ZNF527: variants seen among roughly 807,000 people sequenced by gnomAD.
ZNF527 encodes zinc finger protein 527.
In ZNF527, 5 loss-of-function variants were observed where a neutral mutation model predicts 13.5. The observed-to-expected ratio is 0.37, with a 90% confidence interval of 0.19 to 0.78. The LOEUF (loss-of-function observed/expected upper bound fraction) is 0.78. Among genes scored for constraint, ZNF527 ranks in the 30% least tolerant of loss-of-function variants. ZNF527 has a pLI of 0.48. For missense variants in ZNF527, 628 were observed against 726.4 expected, an observed-to-expected ratio of 0.86 and a Z score of 1.56; for synonymous variants, 209 against 243.1, an observed-to-expected ratio of 0.86 and a Z score of 1.30.
chr19:37,376,549 C>G (rs1434276894), intron 2 of ZNF527, among the ~76,000 whole-genome samples: 1 of 151,804 alleles, frequency 6.6e-6, no homozygotes, highest in African/African-American at 2.4e-5. Flanking sequence ...TAGCGCATGC[C>G]TGTAATCCCA....
chr19:37,390,059 C>T lies in ZNF527; in HGVS notation c.*180C>T, dbSNP rs1460136755. The T allele has an allele frequency of 1.3e-5, 9 of 693,208 alleles. No individual in the cohort carries two copies. Among genetic ancestry groups the T allele is most frequent in the Admixed American group, 1.1e-4 (3 of 28,190 alleles). 42.9% of individuals were successfully genotyped at this position (693,208 alleles called of 1,614,324 possible). A position where few individuals can be genotyped will look rare whatever the true frequency, so the allele number is the denominator to read the frequency against. ...CTTTTTTTTTTTTCAGACAGAGTCT[C>T]GCTCTGTTGCCCAGGCTGGAGTGCA... On this transcript the variant is annotated 3_prime_UTR_variant, in exon 5 of 5. Transcript: ENST00000436120.
At position 37,389,239 on chromosome 19, in the gene ZNF527, A is replaced by G; in HGVS notation, c.1190A>G (p.Gln397Arg). 6.2e-7 allele frequency: 1 copy of G among 1,614,214 alleles called. No individual in the cohort carries two copies. Among genetic ancestry groups the G allele is most frequent in the Non-Finnish European group, 8.5e-7 (1 of 1,180,044 alleles). ...ECKECNKAFR[Q>R]SAHLNQHQRI... Reference sequence around the variant, plus strand: ...AAAGAATGTAATAAAGCCTTCAGACAGAGTGCTCACCTTAATCAACATCAG... The same window carrying G: ...AAAGAATGTAATAAAGCCTTCAGACGGAGTGCTCACCTTAATCAACATCAG... Residue 397 changes from glutamine (Q) to arginine (R), a missense_variant, in exon 5 of 5, where the codon CAG (glutamine) becomes CGG (arginine). Physicochemically the swap from Gln to Arg is conservative, Grantham distance 43 (BLOSUM62 1). Transcript: ENST00000436120.
At chr19:37,383,476 T>G (rs2040671594) in intron 4 of ZNF527, among the ~76,000 whole-genome samples, 1 of 151,934 alleles carries the variant, frequency 6.6e-6, no homozygotes. Flanking sequence ...CCTCAGGTGA[T>G]CCACCCTTCT....
Position 37,389,225 on chromosome 19 carries a change from TA to T in ZNF527, c.1179del (p.Ala394ProfsTer34). The T allele has an allele frequency of 6.2e-7, 1 of 1,613,008 alleles. No individual in the cohort carries two copies. The highest frequency in any genetic ancestry group is 8.5e-7 in the Non-Finnish European group (1 of 1,179,748). ...AACCATATGAATGTAAAGAATGTAA[TA>T]AAGCCTTCAGACAGAGTGCTCACCT... ...EKPYECKECN[K>X]AFRQSAHLNQ... is the part of the protein sequence containing the mutation. On this transcript the variant is annotated frameshift_variant, in exon 5 of 5. Coordinates refer to ENST00000436120, the MANE Select transcript of ZNF527 (RefSeq NM_032453.2). LOFTEE classifies it low-confidence loss of function (END_TRUNC).
In ZNF527 at chr19:37,389,953, T is replaced by C; in HGVS notation, c.*74T>C. The C allele has an allele frequency of 2.7e-6, 4 of 1,486,828 alleles. No homozygotes were observed. The highest frequency in any genetic ancestry group is 2.7e-6 in the Non-Finnish European group (3 of 1,122,460). The allele number at this position is 1,486,828 out of a possible 1,614,324, so 92.1% of individuals were successfully genotyped here. ...TTAAATATTAGTGAGTTCTTTTTGG[T>C]TAGTAATTCTTTGAATGTAGTTCAT... On this transcript the variant is annotated 3_prime_UTR_variant, in exon 5 of 5. Transcript: ENST00000436120.
At chr19:37,378,657 A>T (rs2146810035) in intron 2 of ZNF527, among the ~76,000 whole-genome samples, 1 of 152,264 alleles carries the variant, frequency 6.6e-6, no homozygotes, top group African/African-American at 2.4e-5. Context: ...AAGTTGCTTC[A>T]CATATACCTC....
At chr19:37,382,176 T>C (rs1000816915) in intron 4 of ZNF527, among the ~76,000 whole-genome samples, 6 of 152,116 alleles carry the variant, frequency 3.9e-5, no homozygotes, top group African/African-American at 1.4e-4. Context: ...CTCATTGCTT[T>C]ATTGGGAAAT....
intron 2 of ZNF527, among the ~76,000 whole-genome samples, chr19:37,377,665 C>T (rs1188751339): frequency 6.6e-6 from 1 of 152,170 alleles, no homozygotes; most frequent in Non-Finnish European, 1.5e-5. Context: ...GCATAGCTCT[C>T]TTACTAACCC....
chr19:37,376,049 C>T (rs180935489), intron 2 of ZNF527, among the ~76,000 whole-genome samples: 224 of 152,172 alleles, frequency 1.5e-3, no homozygotes, highest in Admixed American at 5.2e-3. Context: ...GAATGGAGGC[C>T]GGGTGCGGTG....
At chr19:37,375,594 C>T (rs563991961) in intron 2 of ZNF527, among the ~76,000 whole-genome samples, 11 of 151,888 alleles carry the variant, frequency 7.2e-5, no homozygotes, top group African/African-American at 2.7e-4. Flanking sequence ...CTCCTGACCT[C>T]GTGATCTGCC....
At position 37,379,161 on chromosome 19, in the gene ZNF527, A is replaced by T. The variant is rs745949243; in HGVS notation, c.75A>T (p.Gln25His). Reference sequence around the variant, plus strand: ...GAGATGTGGCGCTAGACTTTTCCCAAGAAGAGTGGGAATGGCTGAAGCCAT... The same window carrying T: ...GAGATGTGGCGCTAGACTTTTCCCATGAAGAGTGGGAATGGCTGAAGCCAT... Reference protein sequence around the residue: ...TFRDVALDFSQEEWEWLKPSQ... With the variant: ...TFRDVALDFSHEEWEWLKPSQ... The change falls in exon 3 of 5, where the codon CAA (glutamine) becomes CAT (histidine). Residue 25 changes from glutamine to histidine, a missense_variant. By Grantham distance (24) the Gln-to-His change is conservative. Coordinates refer to ENST00000436120, the MANE Select transcript of ZNF527 (RefSeq NM_032453.2). 1 of 1,613,988 alleles carries T rather than the reference A, an allele frequency of 6.2e-7. No individual in the cohort carries two copies. The highest frequency in any genetic ancestry group is 1.3e-5 in the African/African-American group (1 of 75,010).
intron 2 of ZNF527, among the ~76,000 whole-genome samples, chr19:37,376,682 CAAA>C (rs35179002): frequency 2.1e-5 from 1 of 48,536 alleles, no homozygotes; most frequent in Non-Finnish European, 3.9e-5. Flanking sequence ...ACTCCATCTC[CAAA>C]AAAAAAAAAA....
intron 1 of ZNF527, among the ~76,000 whole-genome samples, chr19:37,371,736 TTGTG>T (rs2040558530): frequency 6.6e-6 from 1 of 152,136 alleles, no homozygotes; most frequent in Non-Finnish European, 1.5e-5. Context: ...TTGTGTGTGA[TTGTG>T]TGTGATTGTT....
chr19:37,384,915 T>C, intron 4 of ZNF527: 1 of 702,168 alleles, frequency 1.4e-6, no homozygotes, highest in South Asian at 1.5e-5. Context: ...TGATCTTGGC[T>C]CACTGCAGCC....
rs745393578 is a variant in ZNF527, at chr19:37,389,492, T to C, written c.1443T>C (p.Thr481=). The C allele has an allele frequency of 2.5e-6, 4 of 1,614,048 alleles. No homozygotes were observed. The highest frequency in any genetic ancestry group is 1.6e-4 in the Middle Eastern group (1 of 6,062). ...ECIKCGKFFR[T]DSQLNRHHRI... ...TCAAATGTGGGAAGTTTTTTAGGAC[T>C]GACTCACAACTTAATCGACATCATA... is the stretch of plus-strand genomic sequence containing the variant. The change falls in exon 5 of 5, where the codon ACT becomes ACC. Residue 481 remains threonine, a synonymous_variant. Transcript: ENST00000436120.
intron 4 of ZNF527, chr19:37,385,341 C>T (rs2040689470): frequency 2.5e-6 from 1 of 402,928 alleles, no homozygotes; most frequent in Non-Finnish European, 4.4e-6. Context: ...TCATGCTCCC[C>T]TTCACTGTGT....
At chr19:37,374,059 A>T (rs978644130) in intron 1 of ZNF527, 99 bp from the exon 2 acceptor site, 1 of 776,898 alleles carries the variant, frequency 1.3e-6, no homozygotes, top group African/African-American at 1.7e-5. Flanking sequence ...AGGCTGGCCC[A>T]TGTAGGGAGA....
At chr19:37,386,140 C>CATTTTTTTTT (rs2040696803) in intron 4 of ZNF527, among the ~76,000 whole-genome samples, 1 of 72,456 alleles carries the variant, frequency 1.4e-5, no homozygotes, top group Admixed American at 2.1e-4. Context: ...TCTTCTTTTC[C>CATTTTTTTTT]TTTTTTTTTT....
chr19:37,383,723 G>A (rs1409275613), intron 4 of ZNF527, among the ~76,000 whole-genome samples: 1 of 151,782 alleles, frequency 6.6e-6, no homozygotes, highest in African/African-American at 2.4e-5. Flanking sequence ...ATTTTTAGTA[G>A]AGACCGGGTT....
Sources: allele counts gnomAD v4.1 joint callset (sites outside exome capture counted in the v4.1 genomes callset), GRCh38; gene constraint gnomAD v4.1.1; transcripts MANE v1.5; gene names NCBI Gene and HGNC (gene_info 2026-07-23, HGNC 2026-07-21).